The following ASH1L variants were observed in gnomAD, a reference collection of about 807,000 sequenced individuals.
The protein encoded by ASH1L is ASH1 like histone lysine methyltransferase.
Under a neutral mutation model 269.0 loss-of-function variants are expected in ASH1L, and 23 were observed. That is an observed-to-expected ratio of 0.09 (90% CI 0.06 to 0.12). The LOEUF is 0.12. Among genes scored for constraint, ASH1L ranks in the 10% least tolerant of loss-of-function variants. The pLI, the probability that ASH1L is intolerant of heterozygous loss-of-function variation, is 1.00. For missense variants in ASH1L, 2,912 were observed against 3,567.8 expected (o/e 0.82, Z 4.68); for synonymous variants, 1,187 against 1,253.5 (o/e 0.95, Z 1.12).
chr1:155,358,734 ATC>A (rs1293004711), intron 13 of ASH1L: 1 of 151,974 alleles, frequency 6.6e-6, no homozygotes, highest in African/African-American at 2.4e-5. Context: ...TGCTTCAGTA[ATC>A]TGTTTGTCAT....
chr1:155,494,034 G>A (rs148730131), intron 2 of ASH1L, among the ~76,000 whole-genome samples: 2,827 of 152,188 alleles, frequency 0.019, 40 homozygotes, highest in Non-Finnish European at 0.03. Context: ...TAAAATATTT[G>A]GTATATCAGA....
intron 6 of ASH1L, among the ~76,000 whole-genome samples, chr1:155,402,942 C>T (rs1658976019): frequency 6.7e-6 from 1 of 148,258 alleles, no homozygotes; most frequent in African/African-American, 2.5e-5. Flanking sequence ...CTTTGGGAAG[C>T]TGAGGTGGGT....
chr1:155,541,596 T>TA (rs1238486419), intron 1 of ASH1L, among the ~76,000 whole-genome samples: 1 of 152,164 alleles, frequency 6.6e-6, no homozygotes, highest in African/African-American at 2.4e-5. Flanking sequence ...TTTACTCAAC[T>TA]ATAGAACCCT....
chr1:155,503,602 T>C (rs761437873), intron 2 of ASH1L, among the ~76,000 whole-genome samples: 11 of 152,246 alleles, frequency 7.2e-5, no homozygotes, highest in South Asian at 2.1e-4. Context: ...ATTTAGGTCA[T>C]TGATTTTAGA....
chr1:155,546,430 C>T (rs1388502058), intron 1 of ASH1L, among the ~76,000 whole-genome samples: 1 of 152,006 alleles, frequency 6.6e-6, no homozygotes, highest in East Asian at 1.9e-4. Context: ...CGTCATCTAA[C>T]CACTAGCATT....
rs1662303663 is a variant in ASH1L, at chr1:155,438,749, A to C, written c.5406T>G (p.Ala1802=). 6.2e-7 allele frequency: 1 copy of C among 1,614,008 alleles called. No homozygotes were observed. Among genetic ancestry groups the C allele is most frequent in the Non-Finnish European group, 8.5e-7 (1 of 1,180,026 alleles). ...PHHIKRSVVE[A]MQRQARKMCN... ...ACATTTTCCGAGCTTGGCGTTGCATAGCTTCCACTACACTTCTCTTGATAT... is the reference window on the plus strand; with the variant it reads ...ACATTTTCCGAGCTTGGCGTTGCATCGCTTCCACTACACTTCTCTTGATAT... Residue 1802 remains alanine, a synonymous_variant, in exon 5 of 28, where the codon GCT becomes GCG. Coordinates refer to ENST00000392403, the MANE Select transcript of ASH1L (RefSeq NM_018489.3).
intron 17 of ASH1L, among the ~76,000 whole-genome samples, chr1:155,350,088 A>C (rs1653756455): frequency 6.6e-6 from 1 of 151,174 alleles, no homozygotes; most frequent in Non-Finnish European, 1.5e-5. Context: ...ACGAGGTTTC[A>C]CCATGTTAGC....
chr1:155,378,028 AAAAAC>A (rs1169979573), intron 10 of ASH1L, among the ~76,000 whole-genome samples: 1 of 151,844 alleles, frequency 6.6e-6, no homozygotes, highest in Admixed American at 6.6e-5. Flanking sequence ...GTCTCAAAAA[AAAAAC>A]AAAACAAAAC....
At chr1:155,488,502 C>CAAAAAAAAAAAAAAAA (rs368511587) in intron 2 of ASH1L, among the ~76,000 whole-genome samples, 1 of 41,306 alleles carries the variant, frequency 2.4e-5, no homozygotes, top group African/African-American at 7.2e-5. Context: ...ACTAAAAATA[C>CAAAAAAAAAAAAAAAA]AAAAAAAAAA....
Position 155,478,711 on chromosome 1 carries a change from A to G in ASH1L, c.4159T>C (p.Ser1387Pro). 1 of 1,614,016 alleles carries G rather than the reference A, an allele frequency of 6.2e-7. No homozygotes were observed. The highest frequency in any genetic ancestry group is 1.1e-5 in the South Asian group (1 of 91,076). Reference sequence around the variant, plus strand: ...GGAGCAGCTGTAAGGGGTGAAGGAGAGTAAGGCATACCATAAGATGGATAG... The same window carrying G: ...GGAGCAGCTGTAAGGGGTGAAGGAGGGTAAGGCATACCATAAGATGGATAG... ...GFYPSYGMPY[S>P]PSPLTAAPIG... is the part of the protein sequence containing the mutation. The change falls in exon 3 of 28, where the codon TCT (serine) becomes CCT (proline). Residue 1387 changes from serine (S) to proline (P), a missense_variant. Physicochemically the swap from Ser to Pro is moderately conservative, Grantham distance 74. Around this residue, in one of 13 missense-constraint regions of ASH1L, gnomAD observed 789 missense variants for 897.6 expected, o/e 0.88. Transcript: ENST00000392403. This position sits in a 1 kb window ranked among gnomAD's most constrained non-coding sequence, Gnocchi z 4.6.
rs1441967175 is a variant in ASH1L at position 155,360,357 on chromosome 1, C to A, written c.6739G>T (p.Ala2247Ser). The A allele has an allele frequency of 1.2e-6, 2 of 1,613,670 alleles. No homozygotes were observed. The highest frequency in any genetic ancestry group is 8.5e-7 in the Non-Finnish European group (1 of 1,179,606). ...TAATCATAAGTGAGTTCAGTCCCAGCTGGCATGTCTTTAAGAGCATAGAGT... is the reference window on the plus strand; with the variant it reads ...TAATCATAAGTGAGTTCAGTCCCAGATGGCATGTCTTTAAGAGCATAGAGT... ...IGLYALKDMP[A>S]GTELTYDYNF... is the part of the protein sequence containing the mutation. Residue 2247 changes from alanine to serine, a missense_variant, in exon 13 of 28, where the codon GCT becomes TCT. By Grantham distance (99) the Ala-to-Ser change is moderately conservative. Coordinates refer to ENST00000392403, the MANE Select transcript of ASH1L (RefSeq NM_018489.3).
At position 155,515,164 on chromosome 1, in the gene ASH1L, C is replaced by T. The variant is rs139384347; in HGVS notation, c.420+5936G>A. 1.5e-3 allele frequency among the ~76,000 whole-genome samples: 231 copies of T among 152,244 alleles called. 1 individual carries two copies. Among genetic ancestry groups the T allele is most frequent in the Middle Eastern group, 0.01 (3 of 294 alleles). On this transcript the variant is annotated intron_variant, in intron 2 of 27. Transcript: ENST00000392403. ...ATGTACCAAAAACTGCAATGCCTGC[C>T]GCCAGCACTGATCAACAAAAAGAGC...
intron 6 of ASH1L, among the ~76,000 whole-genome samples, chr1:155,412,613 C>T (rs1456103530): frequency 1.3e-5 from 2 of 152,094 alleles, no homozygotes; most frequent in Admixed American, 6.6e-5. Context: ...GTACATGTTT[C>T]CTTGAGTTTT....
At chr1:155,492,579 T>C (rs980384365) in intron 2 of ASH1L, among the ~76,000 whole-genome samples, 5 of 152,140 alleles carry the variant, frequency 3.3e-5, no homozygotes, top group African/African-American at 1.2e-4. Context: ...TTATTTATAA[T>C]TAATGTAATG....
intron 1 of ASH1L, among the ~76,000 whole-genome samples, chr1:155,538,340 G>A (rs1230198239): frequency 1.4e-5 from 2 of 147,932 alleles, no homozygotes; most frequent in Admixed American, 6.8e-5. Flanking sequence ...ATGGCACCTG[G>A]CGTTTTTTTG....
At chr1:155,401,447 C>T (rs1658839400) in intron 6 of ASH1L, among the ~76,000 whole-genome samples, 1 of 146,884 alleles carries the variant, frequency 6.8e-6, no homozygotes, top group Admixed American at 6.9e-5. Flanking sequence ...CACTGGACTC[C>T]AGCCTGGGTG....
Position 155,395,511 on chromosome 1 carries a change from C to T in ASH1L, c.6051G>A (p.Glu2017=). The T allele has an allele frequency of 6.2e-7, 1 of 1,611,508 alleles. No homozygotes were observed. Among genetic ancestry groups the T allele is most frequent in the South Asian group, 1.1e-5 (1 of 90,520 alleles). ...CATATTCATGCTCTCCTGGAGTATA[C>T]TCCAGCTTCTCTTTCTTTAATTGGA... is the stretch of plus-strand genomic sequence containing the variant. ...RLIQLKKEKL[E]YTPGEHEYGL... is the part of the protein sequence containing the mutation. Residue 2017 remains glutamate (E), a synonymous_variant, in exon 7 of 28, where the codon GAG becomes GAA. Transcript: ENST00000392403.
At position 155,343,221 on chromosome 1, in the gene ASH1L, T is replaced by C; in HGVS notation, c.8293+93A>G. 3 of 1,413,268 alleles carry C rather than the reference T, an allele frequency of 2.1e-6. No homozygotes were observed. The highest frequency in any genetic ancestry group is 1.4e-5 in the South Asian group (1 of 73,798). The allele number at this position is 1,413,268 out of a possible 1,614,324, so 87.5% of individuals were successfully genotyped here. A position where few individuals can be genotyped will look rare whatever the true frequency, so the allele number is the denominator to read the frequency against. On this transcript the variant is annotated intron_variant, in intron 24 of 27. Coordinates refer to ENST00000392403, the MANE Select transcript of ASH1L (RefSeq NM_018489.3). The surrounding 1 kb of genome is among the most constrained non-coding windows in gnomAD (Gnocchi z 6.1). Reference sequence around the variant, plus strand: ...GTCTCACACTCCTGGGCTTAAGCAATCTGCCTGCCTCGGCCTCCCACACCG... The same window carrying C: ...GTCTCACACTCCTGGGCTTAAGCAACCTGCCTGCCTCGGCCTCCCACACCG...
Position 155,339,385 on chromosome 1 carries a change from G to A in ASH1L, c.8461-17C>T, listed in dbSNP as rs772600430. ...GTAATGAGGCTGCAGAGAAGAAAAG[G>A]AAGAGGTAAGCATATTGTAGAAGCT... is the stretch of plus-strand genomic sequence containing the variant. On this transcript the variant is annotated splice_polypyrimidine_tract_variant and intron_variant, in intron 25 of 27. Transcript: ENST00000392403. 184 of 1,613,118 alleles carry A rather than the reference G, an allele frequency of 1.1e-4. 4 individuals are homozygous for A. The South Asian group carries it at 1.8e-3, about 16-fold the overall frequency.
Sources: gnomAD v4.1 joint callset for allele counts (sites outside exome capture counted in the v4.1 genomes callset) on GRCh38, gnomAD v4.1.1 for gene constraint, gnomAD v4.1.1 regional missense constraint, Gnocchi (gnomAD v3.1) non-coding constraint, MANE v1.5 for transcripts, NCBI Gene and HGNC (gene_info 2026-07-23, HGNC 2026-07-21) for gene names.